Variants in PDE4D observed in about 807,000 individuals in gnomAD.
The protein encoded by PDE4D is 3',5'-cyclic-AMP phosphodiesterase 4D.
In PDE4D, 24 loss-of-function variants were observed where a neutral mutation model predicts 87.4. That is an observed-to-expected ratio of 0.27 (90% CI 0.20 to 0.39). PDE4D has a LOEUF of 0.39. Ranked by LOEUF, PDE4D falls within the 10% of genes least tolerant of loss-of-function variation. The pLI is 1.00. For synonymous variants in PDE4D, 384 were observed against 383.2 expected (o/e 1.00, Z -0.02); for missense variants, 714 against 1,041.0 (o/e 0.69, Z 4.32).
intron 1 of PDE4D, among the ~76,000 whole-genome samples, chr5:59,384,809 T>C (rs1242404491): frequency 6.6e-6 from 1 of 152,062 alleles, no homozygotes; most frequent in African/African-American, 2.4e-5. Context: ...CCATTATCTA[T>C]TCATTTCTTA....
intron 1 of PDE4D, among the ~76,000 whole-genome samples, chr5:59,754,147 T>C (rs1052154718): frequency 6.6e-6 from 1 of 152,066 alleles, no homozygotes; most frequent in African/African-American, 2.4e-5. Context: ...CTGGCAAACA[T>C]GGTGAAACCC....
chr5:59,642,936 A>G (rs1741850672), intron 1 of PDE4D, among the ~76,000 whole-genome samples: 2 of 152,234 alleles, frequency 1.3e-5, no homozygotes, highest in Admixed American at 6.5e-5. Flanking sequence ...TAAATAGTAT[A>G]AAATAGTCAA....
intron 1 of PDE4D, among the ~76,000 whole-genome samples, chr5:59,640,685 C>A (rs1741429495): frequency 6.6e-6 from 1 of 152,174 alleles, no homozygotes; most frequent in Non-Finnish European, 1.5e-5. Context: ...CCACTACATT[C>A]TTCAGTCACC....
intron 1 of PDE4D, among the ~76,000 whole-genome samples, chr5:59,777,275 C>G (rs888500843): frequency 2.1e-4 from 32 of 152,190 alleles, no homozygotes; most frequent in African/African-American, 7.2e-4. Context: ...TCACCCTCCT[C>G]TGCAATTGGT....
chr5:60,386,084 T>G (rs1419983523), intron 1 of PDE4D, among the ~76,000 whole-genome samples: 2 of 152,132 alleles, frequency 1.3e-5, no homozygotes, highest in Non-Finnish European at 2.9e-5. Context: ...TAAATAATAA[T>G]AATTCCTGAG....
intron 1 of PDE4D, among the ~76,000 whole-genome samples, chr5:60,474,108 A>C (rs1432137414): frequency 1.9e-5 from 1 of 52,312 alleles, no homozygotes; most frequent in Non-Finnish European, 3.4e-5. Flanking sequence ...GAGCTGCCAT[A>C]TATATATATA....
At chr5:59,523,713 C>T (rs1338402168) in intron 1 of PDE4D, among the ~76,000 whole-genome samples, 3 of 152,238 alleles carry the variant, frequency 2.0e-5, no homozygotes, top group African/African-American at 7.2e-5. Flanking sequence ...TCTGTGTCCT[C>T]AACCAAATCT....
At chr5:60,229,205 TA>T (rs1446943604) in intron 1 of PDE4D, among the ~76,000 whole-genome samples, 1 of 152,094 alleles carries the variant, frequency 6.6e-6, no homozygotes, top group Non-Finnish European at 1.5e-5. Flanking sequence ...TCACCATTCA[TA>T]AAAAATAAAC....
intron 3 of PDE4D, among the ~76,000 whole-genome samples, chr5:59,911,059 G>A (rs1449310744): frequency 1.3e-5 from 2 of 152,176 alleles, no homozygotes; most frequent in Non-Finnish European, 2.9e-5. Flanking sequence ...AACTAACTTT[G>A]GGAAGAATTT....
chr5:59,276,053 A>T, intron 1 of PDE4D: 4 of 984,786 alleles, frequency 4.1e-6, no homozygotes, highest in Non-Finnish European at 4.8e-6. Context: ...ACCAGGCAGA[A>T]ACTATTCCTC....
chr5:59,777,389 T>C (rs577317314), intron 1 of PDE4D, among the ~76,000 whole-genome samples: 37 of 152,292 alleles, frequency 2.4e-4, no homozygotes, highest in African/African-American at 8.7e-4. Flanking sequence ...TGGGAGACTA[T>C]GGACAAACTA....
chr5:59,686,933 T>C (rs1450221459), intron 1 of PDE4D, among the ~76,000 whole-genome samples: 1 of 152,144 alleles, frequency 6.6e-6, no homozygotes, highest in Non-Finnish European at 1.5e-5. Context: ...GAAGAAGCAA[T>C]TAACAAACAC....
intron 3 of PDE4D, among the ~76,000 whole-genome samples, chr5:59,975,555 T>G (rs1455060869): frequency 6.6e-6 from 1 of 152,232 alleles, no homozygotes. Context: ...TCACTTTCTT[T>G]CAAATACCTT....
intron 1 of PDE4D, among the ~76,000 whole-genome samples, chr5:59,430,831 C>G (rs1796002816): frequency 6.6e-6 from 1 of 152,030 alleles, no homozygotes; most frequent in Non-Finnish European, 1.5e-5. Context: ...AGTTATTTAC[C>G]TGTAAACAAA....
intron 1 of PDE4D, among the ~76,000 whole-genome samples, chr5:60,458,386 CAAAAAAAAAAA>C (rs61006284): frequency 9.3e-5 from 7 of 75,186 alleles, no homozygotes; most frequent in East Asian, 5.8e-4. Context: ...GACTTCATTG[CAAAAAAAAAAA>C]AAAAAAAAAA....
intron 1 of PDE4D, among the ~76,000 whole-genome samples, chr5:59,527,273 A>G (rs1218579142): frequency 2.0e-5 from 3 of 152,212 alleles, no homozygotes; most frequent in Non-Finnish European, 4.4e-5. Flanking sequence ...AAATTTGTAA[A>G]AATTGAATGG....
At chr5:60,177,579 G>T (rs1784031474) in intron 2 of PDE4D, among the ~76,000 whole-genome samples, 1 of 152,112 alleles carries the variant, frequency 6.6e-6, no homozygotes. Context: ...TATTAATCAG[G>T]ATCCTGTTTA....
chr5:59,976,980 C>T (rs1391439822), intron 3 of PDE4D, among the ~76,000 whole-genome samples: 1 of 152,150 alleles, frequency 6.6e-6, no homozygotes, highest in Non-Finnish European at 1.5e-5. Context: ...ACTGACTGGC[C>T]ATTCCCCAAT....
intron 1 of PDE4D, among the ~76,000 whole-genome samples, chr5:60,296,184 C>A (rs1220457067): frequency 6.6e-6 from 1 of 152,142 alleles, no homozygotes; most frequent in African/African-American, 2.4e-5. Context: ...AACATTCAGA[C>A]CATAGGAGAG....
Sources: gnomAD v4.1 joint callset for allele counts (sites outside exome capture counted in the v4.1 genomes callset) on GRCh38, gnomAD v4.1.1 for gene constraint, MANE v1.5 for transcripts, NCBI Gene and HGNC (gene_info 2026-07-23, HGNC 2026-07-21) for gene names.